CADPS2: variants seen among roughly 807,000 people sequenced by gnomAD.
CADPS2 encodes the protein calcium dependent secretion activator 2.
CADPS2 carries 93 observed loss-of-function variants against 172.5 expected under a neutral mutation model. That is an observed-to-expected ratio of 0.54 (90% CI 0.46 to 0.64). CADPS2 has a LOEUF of 0.64. CADPS2 is among the 30% of genes least tolerant of loss of function. The pLI is 0.00. For missense variants in CADPS2, 1,420 were observed against 1,565.9 expected (o/e 0.91, Z 1.57); for synonymous variants, 546 against 555.2 (o/e 0.98, Z 0.23).
chr7:122,663,160 T>C, intron 3 of CADPS2, 77 bp downstream of exon 3: 2 of 1,066,986 alleles, frequency 1.9e-6, no homozygotes, highest in South Asian at 1.6e-5. Context: ...GTAAAGGACA[T>C]CTTCATAGGC....
intron 1 of CADPS2, among the ~76,000 whole-genome samples, chr7:122,804,765 G>A (rs1299489807): frequency 6.6e-6 from 1 of 152,100 alleles, no homozygotes; most frequent in Non-Finnish European, 1.5e-5. Flanking sequence ...TGCTCTGTAA[G>A]ATTTCCTATG....
intron 16 of CADPS2, chr7:122,440,041 C>G (rs552947089): frequency 1.3e-5 from 2 of 152,208 alleles, no homozygotes; most frequent in South Asian, 4.2e-4. Flanking sequence ...CCATGTTCTT[C>G]CGAGGTATCA....
intron 2 of CADPS2, among the ~76,000 whole-genome samples, chr7:122,736,675 T>C (rs2092175961): frequency 6.6e-6 from 1 of 152,222 alleles, no homozygotes; most frequent in Non-Finnish European, 1.5e-5. Flanking sequence ...TAAAGATAGC[T>C]ATAGTCAGCT....
intron 14 of CADPS2, among the ~76,000 whole-genome samples, chr7:122,466,527 T>G (rs747588321): frequency 3.0e-4 from 46 of 152,300 alleles, no homozygotes; most frequent in Non-Finnish European, 5.4e-4. Context: ...GACTCAGTGC[T>G]CTTCCAGTCT....
intron 2 of CADPS2, among the ~76,000 whole-genome samples, chr7:122,719,636 T>C (rs149595855): frequency 6.6e-6 from 1 of 152,272 alleles, no homozygotes; most frequent in East Asian, 1.9e-4. Context: ...CTTCTGTCCA[T>C]GCTACACCAT....
intron 6 of CADPS2, among the ~76,000 whole-genome samples, chr7:122,598,437 G>A (rs2133399991): frequency 6.6e-6 from 1 of 152,140 alleles, no homozygotes; most frequent in East Asian, 1.9e-4. Flanking sequence ...TTTTGTTGCT[G>A]CTAAAATATT....
intron 29 of CADPS2, among the ~76,000 whole-genome samples, chr7:122,324,982 C>G (rs1337903303): frequency 1.3e-5 from 2 of 152,058 alleles, no homozygotes; most frequent in Non-Finnish European, 2.9e-5. Context: ...AACACTCAAA[C>G]TGATTACCTT....
rs754073048 is a variant in CADPS2 at position 122,451,451 on chromosome 7, TG to T, written c.2210del (p.Ser737Ter). 5 of 1,585,676 alleles carry T rather than the reference TG, an allele frequency of 3.2e-6. No individual in the cohort carries two copies. In the African/African-American group the frequency reaches 6.8e-5, roughly 21 times the overall value. ...GNRPDGIGTVSVEEKERFEEI... is the reference protein window; with the variant it reads ...GNRPDGIGTVXVEEKERFEEI... ...CCTCAAATCTTTCTTTTTCTTCCAC[TG>T]AAACAGTCCCAATTCCATCAGGCCT... On this transcript the variant is annotated frameshift_variant, in exon 15 of 30. Coordinates refer to ENST00000449022, the MANE Select transcript of CADPS2 (RefSeq NM_017954.11). LOFTEE classifies it high-confidence loss of function.
intron 7 of CADPS2, among the ~76,000 whole-genome samples, chr7:122,578,186 A>G (rs1403514210): frequency 6.6e-6 from 1 of 151,684 alleles, no homozygotes; most frequent in Non-Finnish European, 1.5e-5. Context: ...GTATACCAAC[A>G]ATATACATTA....
At chr7:122,382,258 G>C (rs1020939211) in intron 24 of CADPS2, 4 of 152,090 alleles carry the variant, frequency 2.6e-5, no homozygotes, top group African/African-American at 9.7e-5. Flanking sequence ...TAGAATGAAG[G>C]AACAAGGATG....
intron 1 of CADPS2, among the ~76,000 whole-genome samples, chr7:122,795,960 C>G (rs1439808780): frequency 1.1e-4 from 17 of 152,020 alleles, no homozygotes; most frequent in Non-Finnish European, 8.8e-5. Flanking sequence ...TCTAGAAAAC[C>G]CCATAGCATC....
Position 122,535,530 on chromosome 7 carries a change from A to G in CADPS2, c.1475+19020T>C, listed in dbSNP as rs189065951. Among the ~76,000 whole-genome samples the G allele has an allele frequency of 1.6e-3, 243 of 152,158 alleles. 1 individual carries two copies. The highest frequency in any genetic ancestry group is 5.5e-3 in the African/African-American group (228 of 41,564). The stretch of plus-strand genomic sequence containing the variant: ...GTATACCAGATAATAAATATGTTTT[A>G]TTTTTATAAAGTCTGTTAAAGAACC... On this transcript the variant is annotated intron_variant, in intron 8 of 29. Transcript: ENST00000449022.
chr7:122,430,055 G>C (rs996828542), intron 17 of CADPS2, among the ~76,000 whole-genome samples: 1 of 152,084 alleles, frequency 6.6e-6, no homozygotes, highest in Admixed American at 6.6e-5. Context: ...TCCTCTCAAA[G>C]ACAGTAGGCA....
At chr7:122,682,867 G>A (rs1336078923) in intron 2 of CADPS2, among the ~76,000 whole-genome samples, 3 of 152,218 alleles carry the variant, frequency 2.0e-5, no homozygotes, top group African/African-American at 7.2e-5. Context: ...CCTCTTGGGT[G>A]GGAACTCAGT....
chr7:122,477,000 G>A (rs1263900773), intron 12 of CADPS2, among the ~76,000 whole-genome samples: 970 of 43,116 alleles, frequency 0.022, 39 homozygotes, highest in African/African-American at 0.066. Flanking sequence ...GGGGAGGGGA[G>A]AGGAGAGGAG....
intron 1 of CADPS2, among the ~76,000 whole-genome samples, chr7:122,819,826 T>C (rs1563096646): frequency 1.3e-5 from 2 of 152,024 alleles, no homozygotes; most frequent in South Asian, 4.2e-4. Flanking sequence ...AAGTATAAGA[T>C]ACCTCTACTC....
At chr7:122,657,706 G>T (rs1487062690) in intron 3 of CADPS2, among the ~76,000 whole-genome samples, 3 of 152,074 alleles carry the variant, frequency 2.0e-5, no homozygotes, top group Non-Finnish European at 2.9e-5. Context: ...AAGGAGATTT[G>T]GGGCTGAGAT....
chr7:122,581,406 T>C, intron 6 of CADPS2, 116 bp from the exon 7 acceptor site: 1 of 712,938 alleles, frequency 1.4e-6, no homozygotes, highest in Non-Finnish European at 2.4e-6. Flanking sequence ...AATGAGCTTT[T>C]TATCTTTGCT....
intron 11 of CADPS2, among the ~76,000 whole-genome samples, chr7:122,485,009 T>C (rs1455795890): frequency 2.6e-5 from 4 of 152,204 alleles, no homozygotes; most frequent in Non-Finnish European, 5.9e-5. Context: ...ATCTTTGATA[T>C]TATTGTAATT....
Sources: allele counts gnomAD v4.1 joint callset (sites outside exome capture counted in the v4.1 genomes callset), GRCh38; gene constraint gnomAD v4.1.1; transcripts MANE v1.5; gene names NCBI Gene and HGNC (gene_info 2026-07-23, HGNC 2026-07-21).